The following ME1 variants were observed in gnomAD, a reference collection of about 807,000 sequenced individuals.
The protein encoded by ME1 is NADP-dependent malic enzyme.
A neutral mutation model predicts 66.4 loss-of-function variants in ME1; 74 were observed. The ratio of observed to expected loss-of-function variants is 1.11; its 90% CI spans 0.92 to 1.35. ME1 has a LOEUF of 1.35. Ranked by LOEUF, ME1 falls within the 40% of genes most tolerant of loss-of-function variation. The pLI is 0.00. For synonymous variants in ME1, 251 were observed against 235.6 expected (o/e 1.07, Z -0.60); for missense variants, 750 against 694.1 (o/e 1.08, Z -0.90).
At chr6:83,413,364 C>A (rs1770087477) in intron 1 of ME1, among the ~76,000 whole-genome samples, 1 of 152,134 alleles carries the variant, frequency 6.6e-6, no homozygotes, top group Non-Finnish European at 1.5e-5. Flanking sequence ...TATTCTTTAT[C>A]TAATATGATT....
intron 6 of ME1, among the ~76,000 whole-genome samples, chr6:83,296,476 G>C (rs1052269238): frequency 6.6e-6 from 1 of 152,110 alleles, no homozygotes; most frequent in Admixed American, 6.5e-5. Flanking sequence ...ATCCCTTTCT[G>C]TTAAAAATGC....
At chr6:83,425,404 C>T (rs755263519) in intron 1 of ME1, among the ~76,000 whole-genome samples, 2 of 152,092 alleles carry the variant, frequency 1.3e-5, no homozygotes, top group Non-Finnish European at 2.9e-5. Flanking sequence ...AAGAAAGATG[C>T]TTAATTGACT....
intron 3 of ME1, among the ~76,000 whole-genome samples, chr6:83,397,596 C>T (rs1334795725): frequency 6.6e-6 from 1 of 151,916 alleles, no homozygotes; most frequent in Non-Finnish European, 1.5e-5. Context: ...ATAGAACTAC[C>T]AAATGATCTA....
chr6:83,293,092 G>C (rs967276561), intron 6 of ME1, among the ~76,000 whole-genome samples: 1 of 152,178 alleles, frequency 6.6e-6, no homozygotes, highest in Non-Finnish European at 1.5e-5. Context: ...CTGACCGCTT[G>C]CACTTCCCAG....
intron 5 of ME1, among the ~76,000 whole-genome samples, chr6:83,340,456 T>C (rs1159981906): frequency 6.6e-6 from 1 of 152,196 alleles, no homozygotes; most frequent in East Asian, 1.9e-4. Flanking sequence ...CAGTATTTTA[T>C]AAAGAACTTT....
chr6:83,295,400 G>T (rs1256887706), intron 6 of ME1, among the ~76,000 whole-genome samples: 1 of 152,166 alleles, frequency 6.6e-6, no homozygotes, highest in African/African-American at 2.4e-5. Flanking sequence ...TTCCAGCAAG[G>T]ATTCTTAACC....
chr6:83,255,869 G>A (rs1490798786), intron 6 of ME1, among the ~76,000 whole-genome samples: 1 of 152,076 alleles, frequency 6.6e-6, no homozygotes, highest in Non-Finnish European at 1.5e-5. Context: ...TCCAATAGAT[G>A]AGGAAACAGG....
intron 5 of ME1, among the ~76,000 whole-genome samples, chr6:83,322,200 A>G (rs548210609): frequency 2.0e-5 from 3 of 152,160 alleles, no homozygotes; most frequent in Non-Finnish European, 2.9e-5. Flanking sequence ...ATCAGCAAAA[A>G]CCAGCACAAA....
At chr6:83,373,298 C>T (rs749973084) in intron 3 of ME1, among the ~76,000 whole-genome samples, 5 of 151,852 alleles carry the variant, frequency 3.3e-5, no homozygotes, top group African/African-American at 4.8e-5. Flanking sequence ...TGCAGTGGTG[C>T]GATCTCAGCT....
In ME1 at chr6:83,298,924, T is replaced by A. The variant is rs561755350; in HGVS notation, c.704+16386A>T. ...ATCTCTATGCTGTTCCATTAGTCTATGTGTCTGTTTTTTTTTTTTTTTTTT... is the reference window on the plus strand; with the variant it reads ...ATCTCTATGCTGTTCCATTAGTCTAAGTGTCTGTTTTTTTTTTTTTTTTTT... On this transcript the variant is annotated intron_variant, in intron 6 of 13. Coordinates refer to ENST00000369705, the MANE Select transcript of ME1 (RefSeq NM_002395.6). Among the ~76,000 whole-genome samples the A allele has an allele frequency of 2.1e-4, 29 of 140,814 alleles. 1 individual carries two copies. The South Asian group carries it at 6.4e-3, about 31-fold the overall frequency. The allele number at this position is 140,814 out of a possible 152,430, so 92.4% of individuals were successfully genotyped here.
chr6:83,214,134 C>T (rs1339507856), intron 13 of ME1, among the ~76,000 whole-genome samples: 1 of 152,146 alleles, frequency 6.6e-6, no homozygotes, highest in Non-Finnish European at 1.5e-5. Context: ...ATATTTCCAT[C>T]ACCCCAAAAA....
In ME1 at chr6:83,279,224, C is replaced by G. The variant is rs556568003; in HGVS notation, c.705-25486G>C. The stretch of plus-strand genomic sequence containing the variant: ...TCCTAGCCAGATAAACAAAACCCAG[C>G]ATATTAAAGGCATATCTCCCTAAGT... On this transcript the variant is annotated intron_variant, in intron 6 of 13. Coordinates refer to ENST00000369705, the MANE Select transcript of ME1 (RefSeq NM_002395.6). Among the ~76,000 whole-genome samples the G allele has an allele frequency of 2.6e-5, 4 of 152,282 alleles. No individual in the cohort carries two copies. In the South Asian group the frequency reaches 8.3e-4, roughly 32 times the overall value.
At chr6:83,325,583 A>G (rs1319370658) in intron 5 of ME1, among the ~76,000 whole-genome samples, 1 of 152,196 alleles carries the variant, frequency 6.6e-6, no homozygotes, top group Non-Finnish European at 1.5e-5. Context: ...AAGCAAATAG[A>G]GAGCCAAATC....
intron 1 of ME1, among the ~76,000 whole-genome samples, chr6:83,415,471 T>A (rs1173594648): frequency 6.6e-6 from 1 of 152,200 alleles, no homozygotes; most frequent in African/African-American, 2.4e-5. Context: ...CCTAGTACAA[T>A]GTCGGGATGG....
chr6:83,235,175 C>T (rs1367778763), intron 9 of ME1, among the ~76,000 whole-genome samples: 1 of 152,142 alleles, frequency 6.6e-6, no homozygotes. Flanking sequence ...TCAGTACTCC[C>T]ATCTTTTTCC....
chr6:83,285,465 A>G (rs568526802), intron 6 of ME1, among the ~76,000 whole-genome samples: 4 of 152,214 alleles, frequency 2.6e-5, no homozygotes, highest in Non-Finnish European at 5.9e-5. Flanking sequence ...CTGAAGACAG[A>G]TAATAAATAA....
At chr6:83,428,313 A>G (rs1221884490) in intron 1 of ME1, among the ~76,000 whole-genome samples, 2 of 152,248 alleles carry the variant, frequency 1.3e-5, no homozygotes, top group Non-Finnish European at 2.9e-5. Flanking sequence ...TAAACATAAT[A>G]GGAAATAATA....
At chr6:83,399,157 G>T (rs996200694) in intron 2 of ME1, among the ~76,000 whole-genome samples, 1 of 151,148 alleles carries the variant, frequency 6.6e-6, no homozygotes, top group African/African-American at 2.4e-5. Flanking sequence ...AACAAGCCCG[G>T]CTAATTTTTT....
chr6:83,382,902 T>C (rs1489178197), intron 3 of ME1, among the ~76,000 whole-genome samples: 1 of 151,812 alleles, frequency 6.6e-6, no homozygotes, highest in Non-Finnish European at 1.5e-5. Context: ...ATGAAGGTAG[T>C]TTTTAGATGA....
Sources: allele counts gnomAD v4.1 joint callset (sites outside exome capture counted in the v4.1 genomes callset), GRCh38; gene constraint gnomAD v4.1.1; transcripts MANE v1.5; gene names NCBI Gene and HGNC (gene_info 2026-07-23, HGNC 2026-07-21).